Variants in SHROOM3 observed in about 807,000 individuals in gnomAD.
SHROOM3 encodes the protein shroom family member 3.
SHROOM3 carries 47 observed loss-of-function variants against 138.6 expected under a neutral mutation model. The ratio of observed to expected loss-of-function variants is 0.34; its 90% confidence interval spans 0.27 to 0.43. The LOEUF is 0.43. SHROOM3 is among the 20% of genes least tolerant of loss of function. The pLI is 1.00. For missense variants in SHROOM3, 2,491 were observed against 2,596.5 expected (o/e 0.96, Z 0.88); for synonymous variants, 1,062 against 1,063.3 (o/e 1.00, Z 0.02).
At chr4:76,576,273 T>C (rs1009728959) in intron 2 of SHROOM3, among the ~76,000 whole-genome samples, 4 of 152,100 alleles carry the variant, frequency 2.6e-5, no homozygotes, top group African/African-American at 9.7e-5. Flanking sequence ...GATGAATGGA[T>C]AAAGAAAATG....
At chr4:76,602,656 A>G (rs76221190) in intron 2 of SHROOM3, among the ~76,000 whole-genome samples, 2,537 of 152,298 alleles carry the variant, frequency 0.017, 31 homozygotes, top group Middle Eastern at 0.027. Flanking sequence ...AGCCCTAGGA[A>G]AACAAATTAC....
At chr4:76,635,778 A>G (rs1735476659) in intron 2 of SHROOM3, among the ~76,000 whole-genome samples, 1 of 152,218 alleles carries the variant, frequency 6.6e-6, no homozygotes, top group African/African-American at 2.4e-5. Context: ...CCTTCACCAT[A>G]GGAGCCACTT....
At chr4:76,519,165 G>A (rs113793443) in intron 1 of SHROOM3, among the ~76,000 whole-genome samples, 13 of 152,242 alleles carry the variant, frequency 8.5e-5, no homozygotes, top group African/African-American at 3.1e-4. Context: ...ACTATGGTTG[G>A]GAAAACCTTA....
At chr4:76,652,011 G>A (rs1259010305) in intron 2 of SHROOM3, among the ~76,000 whole-genome samples, 2 of 152,096 alleles carry the variant, frequency 1.3e-5, no homozygotes, top group African/African-American at 4.8e-5. Context: ...TGGACTCAAA[G>A]CTACCTAAGG....
At chr4:76,625,469 T>TTCTCCC (rs1479226340) in intron 2 of SHROOM3, among the ~76,000 whole-genome samples, 3 of 150,124 alleles carry the variant, frequency 2.0e-5, no homozygotes, top group African/African-American at 7.3e-5. Context: ...CTCCCTCTCC[T>TTCTCCC]TCTCCCTCTT....
At chr4:76,606,664 C>A (rs1179584057) in intron 2 of SHROOM3, among the ~76,000 whole-genome samples, 5 of 152,126 alleles carry the variant, frequency 3.3e-5, no homozygotes, top group Admixed American at 3.3e-4. Flanking sequence ...GATCACACCA[C>A]TCCACTCCAG....
intron 2 of SHROOM3, chr4:76,575,608 G>C (rs1486932451): frequency 6.6e-6 from 1 of 152,098 alleles, no homozygotes; most frequent in Non-Finnish European, 1.5e-5. Flanking sequence ...AAAAACTGCA[G>C]TTACTTTTGC....
At chr4:76,451,791 C>A (rs562770904) in intron 1 of SHROOM3, among the ~76,000 whole-genome samples, 31 of 152,120 alleles carry the variant, frequency 2.0e-4, no homozygotes, top group Non-Finnish European at 4.1e-4. Context: ...GAAATGGACC[C>A]ATTAGATATA....
At chr4:76,460,987 C>A (rs1349975677) in intron 1 of SHROOM3, among the ~76,000 whole-genome samples, 1 of 150,200 alleles carries the variant, frequency 6.7e-6, no homozygotes, top group African/African-American at 2.5e-5. Context: ...TGGAGTGAGA[C>A]CCTGTTTCGA....
intron 2 of SHROOM3, among the ~76,000 whole-genome samples, chr4:76,635,957 T>C (rs757703407): frequency 2.6e-5 from 4 of 152,234 alleles, no homozygotes; most frequent in East Asian, 3.8e-4. Flanking sequence ...TGGTGCCTCA[T>C]GTAAAAGTTA....
intron 1 of SHROOM3, among the ~76,000 whole-genome samples, chr4:76,481,160 C>T (rs199787451): frequency 6.6e-6 from 1 of 151,806 alleles, no homozygotes; most frequent in East Asian, 1.9e-4. Flanking sequence ...GATAGAGATA[C>T]GAAAAACCCT....
intron 2 of SHROOM3, among the ~76,000 whole-genome samples, chr4:76,701,760 A>G (rs921524570): frequency 1.3e-5 from 2 of 152,026 alleles, no homozygotes; most frequent in Admixed American, 1.3e-4. Flanking sequence ...TCCACTGGCT[A>G]TTTTCAGCAG....
chr4:76,676,944 CAAAA>C (rs58270392), intron 2 of SHROOM3, among the ~76,000 whole-genome samples: 2 of 79,076 alleles, frequency 2.5e-5, no homozygotes, highest in African/African-American at 1.1e-4. Context: ...CTCCGTCTCA[CAAAA>C]AAAAAAAAAA....
intron 1 of SHROOM3, among the ~76,000 whole-genome samples, chr4:76,533,992 C>T (rs1732886537): frequency 6.6e-6 from 1 of 152,160 alleles, no homozygotes. Flanking sequence ...CTTGATGCAT[C>T]ATTCCACACC....
At chr4:76,770,605 C>T (rs777617033) in intron 9 of SHROOM3, 21 bp from the exon 10 acceptor site, 20 of 1,612,650 alleles carry the variant, frequency 1.2e-5, no homozygotes, top group East Asian at 4.5e-5. Flanking sequence ...CTGATCTTTG[C>T]GGTCTTATCT....
At chr4:76,773,390 A>AG (rs1722438372) in intron 10 of SHROOM3, among the ~76,000 whole-genome samples, 1 of 151,800 alleles carries the variant, frequency 6.6e-6, no homozygotes, top group Non-Finnish European at 1.5e-5. Context: ...AAAAAAAAAA[A>AG]AGAGCTATGG....
At chr4:76,668,002 C>T (rs1718759172) in intron 2 of SHROOM3, among the ~76,000 whole-genome samples, 1 of 122,394 alleles carries the variant, frequency 8.2e-6, no homozygotes, top group South Asian at 2.9e-4. Flanking sequence ...AGTTGTTCTG[C>T]AGGTGCACGC....
chr4:76,740,593 A>G lies in SHROOM3; in HGVS notation c.2420A>G (p.His807Arg), dbSNP rs1480724333. 4.3e-6 allele frequency: 7 copies of G among 1,614,070 alleles called. No individual in the cohort carries two copies. Among genetic ancestry groups the G allele is most frequent in the African/African-American group, 4.0e-5 (3 of 74,952 alleles). Residue 807 changes from histidine (H) to arginine (R), a missense_variant, in exon 5 of 11, where the codon CAT becomes CGT. This residue lies in a region of SHROOM3 where 1,733 missense variants were observed against 1,661.6 expected (regional missense o/e 1.04). Coordinates refer to ENST00000296043, the MANE Select transcript of SHROOM3 (RefSeq NM_020859.4). The surrounding 1 kb of genome is among the most constrained non-coding windows in gnomAD (Gnocchi z 4.0). ...AGTGTGGGCGGCTCTGGTTTTGGCCATAACTATAGGCCCCACAGGACCGTC... is the reference window on the plus strand; with the variant it reads ...AGTGTGGGCGGCTCTGGTTTTGGCCGTAACTATAGGCCCCACAGGACCGTC... ...RPSVGGSGFG[H>R]NYRPHRTVST...
intron 4 of SHROOM3, among the ~76,000 whole-genome samples, chr4:76,732,193 G>A (rs1720906220): frequency 6.6e-6 from 1 of 152,210 alleles, no homozygotes; most frequent in African/African-American, 2.4e-5. Context: ...AATGTAGCGA[G>A]GTCAGGAAAA....
Sources: allele counts gnomAD v4.1 joint callset (sites outside exome capture counted in the v4.1 genomes callset), GRCh38; gene constraint gnomAD v4.1.1; regional missense constraint gnomAD v4.1.1; non-coding constraint Gnocchi (gnomAD v3.1); transcripts MANE v1.5; gene names NCBI Gene and HGNC (gene_info 2026-07-23, HGNC 2026-07-21).